Variants in FAM217B observed in about 807,000 individuals in gnomAD.
The protein encoded by FAM217B is family with sequence similarity 217 member B.
For synonymous variants in FAM217B, 163 were observed against 173.0 expected, an observed-to-expected ratio of 0.94 and a Z score of 0.45; for missense variants, 463 against 456.9, an observed-to-expected ratio of 1.01 and a Z score of -0.12.
chr20:59,939,176 G>A (rs766731315), upstream of FAM217B: 11 of 1,609,836 alleles, frequency 6.8e-6, no homozygotes, highest in South Asian at 1.1e-4. Context: ...CGAAGTGCAC[G>A]CGGGAGCCGA....
chr20:59,939,427 C>T, upstream of FAM217B: 1 of 1,611,298 alleles, frequency 6.2e-7, no homozygotes, highest in Non-Finnish European at 8.5e-7. Context: ...AGGCGCTCGC[C>T]AAAGTCGGCG....
chr20:59,939,017 C>T (rs748065432), upstream of FAM217B: 3 of 1,493,430 alleles, frequency 2.0e-6, no homozygotes, highest in East Asian at 2.4e-5. Context: ...TCCAGGTGGC[C>T]GGTCCCCGCG....
upstream of FAM217B, chr20:59,939,610 C>G: frequency 6.3e-7 from 1 of 1,591,158 alleles, no homozygotes; most frequent in African/African-American, 1.4e-5. Context: ...AAGCCCAGGG[C>G]GTCGGCGAAG....
At chr20:59,934,451 C>T (rs2060842904) in intron 1 of FAM217B, among the ~76,000 whole-genome samples, 1 of 148,008 alleles carries the variant, frequency 6.8e-6, no homozygotes, top group Non-Finnish European at 1.5e-5. Flanking sequence ...GCGTGTTTTC[C>T]CCGTGCTCGC....
In FAM217B at chr20:59,944,992, C is replaced by T. The variant is rs1232149420; in HGVS notation, c.1049C>T (p.Pro350Leu). The change falls in exon 4 of 4, where the codon CCT becomes CTT. Residue 350 changes from proline (P) to leucine (L), a missense_variant. Coordinates refer to ENST00000360816, the MANE Select transcript of FAM217B (RefSeq NM_022106.3). ...KASKTQAHAH[P>L]RKKGKAESCG... Reference sequence around the variant, plus strand: ...TCCAAAACACAAGCACATGCACATCCTAGGAAAAAGGGAAAGGCAGAGAGC... The same window carrying T: ...TCCAAAACACAAGCACATGCACATCTTAGGAAAAAGGGAAAGGCAGAGAGC... 2 of 1,613,932 alleles carry T rather than the reference C, an allele frequency of 1.2e-6. No homozygotes were observed. Among genetic ancestry groups the T allele is most frequent in the Non-Finnish European group, 8.5e-7 (1 of 1,179,956 alleles).
intron 3 of FAM217B, among the ~76,000 whole-genome samples, chr20:59,943,277 T>C (rs575056072): frequency 6.6e-6 from 1 of 152,350 alleles, no homozygotes; most frequent in African/African-American, 2.4e-5. Flanking sequence ...CCCTGTGTTT[T>C]CATTCATATG....
Position 59,944,904 on chromosome 20 carries a change from G to C in FAM217B, c.961G>C (p.Gly321Arg). ...SGSSSKVETS[G>R]HIRVPKQAAV... ...AAGCAGCTCTAAGGTGGAAACCAGCGGTCACATTCGAGTTCCCAAACAGGC... is the reference window on the plus strand; with the variant it reads ...AAGCAGCTCTAAGGTGGAAACCAGCCGTCACATTCGAGTTCCCAAACAGGC... The change falls in exon 4 of 4, where the codon GGT becomes CGT. Residue 321 changes from glycine (G) to arginine (R), a missense_variant. Coordinates refer to ENST00000360816, the MANE Select transcript of FAM217B (RefSeq NM_022106.3). 2 of 1,614,136 alleles carry C rather than the reference G, an allele frequency of 1.2e-6. No individual in the cohort carries two copies. The highest frequency in any genetic ancestry group is 1.3e-5 in the African/African-American group (1 of 75,016).
rs1197167724 is a variant in FAM217B at position 59,945,295 on chromosome 20, ATT to A, written c.*201_*202del. ...TGTCTTTCAATAAGCCTTTCTTTGT[ATT>A]GTCAGTCTTAGGCAAATGAGAGCCC... On this transcript the variant is annotated 3_prime_UTR_variant, in exon 4 of 4. Coordinates refer to ENST00000360816, the MANE Select transcript of FAM217B (RefSeq NM_022106.3). 12 of 519,182 alleles carry A rather than the reference ATT, an allele frequency of 2.3e-5. No individual in the cohort carries two copies. Among genetic ancestry groups the A allele is most frequent in the Admixed American group, 3.8e-5 (1 of 25,978 alleles). 32.2% of individuals were successfully genotyped at this position (519,182 alleles called of 1,614,324 possible).
intron 3 of FAM217B, among the ~76,000 whole-genome samples, chr20:59,943,148 A>G (rs1441812682): frequency 6.6e-6 from 1 of 152,022 alleles, no homozygotes; most frequent in Non-Finnish European, 1.5e-5. Context: ...GATATTTTCA[A>G]CTCTGATGTG....
At chr20:59,935,648 C>T (rs775503024), upstream of FAM217B, among the ~76,000 whole-genome samples, 13 of 152,178 alleles carry the variant, frequency 8.5e-5, no homozygotes, top group Non-Finnish European at 1.3e-4. Context: ...TGCCTGTGCA[C>T]CTAGCTGCTC....
At chr20:59,941,605 G>T (rs2060905493) in intron 1 of FAM217B, among the ~76,000 whole-genome samples, 4 of 152,144 alleles carry the variant, frequency 2.6e-5, no homozygotes, top group Admixed American at 2.6e-4. Flanking sequence ...GGTCAACAAT[G>T]CTTCATAAAG....
At chr20:59,934,640 C>A (rs75535258) in intron 1 of FAM217B, among the ~76,000 whole-genome samples, 2,904 of 152,252 alleles carry the variant, frequency 0.019, 98 homozygotes, top group African/African-American at 0.067. Context: ...ATATTTGTGT[C>A]GGATCAATTT....
chr20:59,939,312 C>T (rs1460052956), upstream of FAM217B: 13 of 1,612,096 alleles, frequency 8.1e-6, no homozygotes, highest in South Asian at 1.4e-4. Context: ...GAAAGTGTAG[C>T]GCACAGCCAC....
At chr20:59,934,312 G>A (rs1438302023) in intron 1 of FAM217B, among the ~76,000 whole-genome samples, 3 of 152,226 alleles carry the variant, frequency 2.0e-5, no homozygotes, top group Non-Finnish European at 4.4e-5. Flanking sequence ...TAAGAGATCC[G>A]TTTAACTTAT....
Position 59,943,891 on chromosome 20 carries a change from AC to A in FAM217B, c.-4-47del, listed in dbSNP as rs374101730. 4.2e-4 allele frequency: 614 copies of A among 1,447,928 alleles called. 2 individuals carry two copies. The highest frequency in any genetic ancestry group is 7.3e-4 in the Middle Eastern group (4 of 5,484). The allele number at this position is 1,447,928 out of a possible 1,614,324, so 89.7% of individuals were successfully genotyped here. On this transcript the variant is annotated intron_variant, in intron 3 of 3. Coordinates refer to ENST00000360816, the MANE Select transcript of FAM217B (RefSeq NM_022106.3). ...TTTTTGTTTGTTTAATTATAGCCAG[AC>A]CATTTTTTGTCATATGTGGTAAGAA...
At position 59,945,491 on chromosome 20, in the gene FAM217B, G is replaced by A. The variant is rs2060932268; in HGVS notation, c.*396G>A. 5.7e-6 allele frequency: 1 copy of A among 174,152 alleles called. No individual in the cohort carries two copies. Among genetic ancestry groups the A allele is most frequent in the East Asian group, 1.9e-4 (1 of 5,372 alleles). 10.8% of individuals were successfully genotyped at this position (174,152 alleles called of 1,614,324 possible). ...GTAAGTATATGAAATAGTGCAGACT[G>A]TTTCAAATGGTGTGGAATCCTAAAT... On this transcript the variant is annotated 3_prime_UTR_variant, in exon 4 of 4. Transcript: ENST00000360816.
At chr20:59,941,281 ACT>A (rs1437469037) in intron 1 of FAM217B, among the ~76,000 whole-genome samples, 1 of 152,238 alleles carries the variant, frequency 6.6e-6, no homozygotes, top group African/African-American at 2.4e-5. Flanking sequence ...AGAAAACCAG[ACT>A]AATGAAAGGG....
intron 1 of FAM217B, among the ~76,000 whole-genome samples, chr20:59,935,174 T>C (rs894253074): frequency 1.6e-4 from 25 of 152,216 alleles, no homozygotes; most frequent in African/African-American, 5.8e-4. Context: ...CATAATTATT[T>C]TCATACCTAG....
At chr20:59,939,305 A>C, upstream of FAM217B, 1 of 1,612,256 alleles carries the variant, frequency 6.2e-7, no homozygotes, top group Non-Finnish European at 8.5e-7. Context: ...AGCCCGAGAA[A>C]GTGTAGCGCA....
Sources: allele counts gnomAD v4.1 joint callset (sites outside exome capture counted in the v4.1 genomes callset), GRCh38; gene constraint gnomAD v4.1.1; transcripts MANE v1.5; gene names NCBI Gene and HGNC (gene_info 2026-07-23, HGNC 2026-07-21).